Variants in ESR2 observed in about 807,000 individuals in gnomAD.
ESR2 encodes estrogen receptor 2, also known as estrogen receptor beta.
Under a neutral mutation model 49.6 loss-of-function variants are expected in ESR2, and 36 were observed. That is an observed-to-expected ratio of 0.73 (90% confidence interval 0.56 to 0.96). The LOEUF is 0.96. Ranked by LOEUF, ESR2 falls within the 40% of genes least tolerant of loss-of-function variation. ESR2 has a pLI of 0.00. For missense variants in ESR2, 714 were observed against 693.0 expected (o/e 1.03, Z -0.34); for synonymous variants, 320 against 266.1 (o/e 1.20, Z -1.97).
At chr14:64,295,025 G>T (rs1278865811), upstream of ESR2, among the ~76,000 whole-genome samples, 2 of 152,194 alleles carry the variant, frequency 1.3e-5, no homozygotes, top group African/African-American at 2.4e-5. Context: ...AAGGCCCCTC[G>T]CGCCCCCTGG....
chr14:64,229,001 G>A lies in ESR2; in HGVS notation c.*4136C>T, dbSNP rs1190976089. Among the ~76,000 whole-genome samples, 1 of 152,172 alleles carries A rather than the reference G, an allele frequency of 6.6e-6. No individual in the cohort carries two copies. The highest frequency in any genetic ancestry group is 1.5e-5 in the Non-Finnish European group (1 of 68,038). On this transcript the variant is annotated 3_prime_UTR_variant, in exon 9 of 9. Transcript: ENST00000341099. ...AGGGAAGCAGCAGTGCCTAAAAGAT[G>A]TGAATTTTACATGAGTACACTTCCA... is the stretch of plus-strand genomic sequence containing the variant.
chr14:64,325,207 G>C (rs1414174922), intron 1 of ESR2, among the ~76,000 whole-genome samples: 1 of 152,150 alleles, frequency 6.6e-6, no homozygotes, highest in Non-Finnish European at 1.5e-5. Context: ...TTTAACAAAA[G>C]AATGTAATAC....
rs2098731384 is a variant in ESR2 at position 64,235,160 on chromosome 14, G to A, written c.1226-10C>T. ...ACCAGAGGGTACATACCTGGACAAA[G>A]AATAAAAGCCAGAAGTCATTGCTCT... On this transcript the variant is annotated splice_polypyrimidine_tract_variant and intron_variant, in intron 7 of 8. Transcript: ENST00000341099. The A allele has an allele frequency of 3.7e-6, 6 of 1,607,900 alleles. No homozygotes were observed. The Admixed American group carries it at 5.0e-5, about 13-fold the overall frequency.
At chr14:64,315,101 G>A (rs1340467087) in intron 1 of ESR2, among the ~76,000 whole-genome samples, 3 of 150,690 alleles carry the variant, frequency 2.0e-5, no homozygotes, top group Non-Finnish European at 4.4e-5. Flanking sequence ...AAAATTAGCT[G>A]GGCATGGTGG....
chr14:64,334,710 G>A (rs111250263), intron 1 of ESR2, among the ~76,000 whole-genome samples: 301 of 152,318 alleles, frequency 2.0e-3, no homozygotes, highest in African/African-American at 6.9e-3. Flanking sequence ...GCAATGGTGC[G>A]ATCTCAGCTC....
At chr14:64,242,476 AT>A (rs2075754141) in intron 7 of ESR2, among the ~76,000 whole-genome samples, 3 of 150,278 alleles carry the variant, frequency 2.0e-5, no homozygotes, top group Non-Finnish European at 4.4e-5. Flanking sequence ...ATAAAATCAT[AT>A]GGTTTTTCAT....
intron 4 of ESR2, among the ~76,000 whole-genome samples, chr14:64,267,338 G>C (rs1421410217): frequency 6.7e-6 from 1 of 150,082 alleles, no homozygotes; most frequent in East Asian, 1.9e-4. Flanking sequence ...GTGAAGCGGT[G>C]GGAATGGAAA....
At chr14:64,324,596 T>C (rs1418599781) in intron 1 of ESR2, among the ~76,000 whole-genome samples, 1 of 152,222 alleles carries the variant, frequency 6.6e-6, no homozygotes, top group Non-Finnish European at 1.5e-5. Flanking sequence ...CCCTATACTT[T>C]TCTTCAAGTT....
intron 7 of ESR2, among the ~76,000 whole-genome samples, chr14:64,247,229 G>C (rs2075879739): frequency 6.6e-6 from 1 of 152,214 alleles, no homozygotes; most frequent in Non-Finnish European, 1.5e-5. Flanking sequence ...ACTAGGACTT[G>C]TATTTTACAC....
At chr14:64,236,263 G>A (rs1039624526) in intron 7 of ESR2, among the ~76,000 whole-genome samples, 5 of 152,112 alleles carry the variant, frequency 3.3e-5, no homozygotes, top group African/African-American at 7.2e-5. Flanking sequence ...CTGATGATAC[G>A]AATTTAAAAT....
chr14:64,263,854 G>C (rs929819249), intron 4 of ESR2, among the ~76,000 whole-genome samples: 2 of 152,018 alleles, frequency 1.3e-5, no homozygotes, highest in African/African-American at 2.4e-5. Context: ...GATCTACAAA[G>C]GCCATAGATA....
chr14:64,320,423 CAG>C (rs1005943769), intron 1 of ESR2, among the ~76,000 whole-genome samples: 2 of 151,854 alleles, frequency 1.3e-5, no homozygotes, highest in African/African-American at 4.8e-5. Flanking sequence ...TTGTGGTTGC[CAG>C]AGGTTTGCAG....
chr14:64,255,104 G>A (rs72548751), intron 6 of ESR2, among the ~76,000 whole-genome samples: 2 of 151,916 alleles, frequency 1.3e-5, no homozygotes, highest in Non-Finnish European at 2.9e-5. Context: ...CAGAGAAATG[G>A]GAGAGTGGAG....
chr14:64,277,625 CAAAAAA>C (rs55742946), intron 3 of ESR2, among the ~76,000 whole-genome samples: 39,021 of 93,332 alleles, frequency 0.42, 5,975 homozygotes, highest in Middle Eastern at 0.55. Flanking sequence ...ACTCCATCTC[CAAAAAA>C]AAAAAAAAAA....
In ESR2 at chr14:64,282,991, G is replaced by T. The variant is rs1166485429; in HGVS notation, c.-6C>A. On this transcript the variant is annotated 5_prime_UTR_variant, in exon 2 of 9. Transcript: ENST00000341099. ...GGTGAGTTTTTTATATCCATGTCTT[G>T]AGATAACAGCTGAGAAAACACCTTG... The T allele has an allele frequency of 1.9e-6, 3 of 1,607,796 alleles. No homozygotes were observed. The highest frequency in any genetic ancestry group is 2.7e-5 in the African/African-American group (2 of 74,770).
At chr14:64,257,181 T>C (rs762958208) in intron 6 of ESR2, 45 bp downstream of exon 6, 205 of 1,588,754 alleles carry the variant, frequency 1.3e-4, no homozygotes, top group Non-Finnish European at 9.7e-5. Flanking sequence ...ACTAAGCACC[T>C]TACTCAAACA....
intron 1 of ESR2, among the ~76,000 whole-genome samples, chr14:64,283,670 C>T (rs2076727139): frequency 6.9e-6 from 1 of 143,954 alleles, no homozygotes. Context: ...ATTGCTCAAG[C>T]CCAGGAGGCA....
At chr14:64,249,251 C>A (rs1477972003) in intron 7 of ESR2, among the ~76,000 whole-genome samples, 3 of 152,024 alleles carry the variant, frequency 2.0e-5, no homozygotes, top group Admixed American at 6.6e-5. Context: ...TGTGTGAGCA[C>A]TGAAAAAAGT....
At chr14:64,264,766 G>A (rs934173276) in intron 4 of ESR2, among the ~76,000 whole-genome samples, 5 of 151,838 alleles carry the variant, frequency 3.3e-5, no homozygotes, top group Admixed American at 2.6e-4. Context: ...CCAGCTACTC[G>A]GGAGGCTGAG....
Sources: allele counts gnomAD v4.1 joint callset (sites outside exome capture counted in the v4.1 genomes callset), GRCh38; gene constraint gnomAD v4.1.1; transcripts MANE v1.5; gene names NCBI Gene and HGNC (gene_info 2026-07-23, HGNC 2026-07-21).